CIITA: variants seen among roughly 807,000 people sequenced by gnomAD.
CIITA encodes MHC class II transactivator.
CIITA carries 72 observed loss-of-function variants against 115.1 expected under a neutral mutation model. That is an observed-to-expected ratio of 0.63 (90% CI 0.52 to 0.76). The LOEUF (loss-of-function observed/expected upper bound fraction) is 0.76, where lower values mean the gene tolerates loss of function less well. Ranked by LOEUF, CIITA falls within the 30% of genes least tolerant of loss-of-function variation. The probability of loss-of-function intolerance (pLI) is 0.00; values close to 1 mark genes in which losing one functional copy is unlikely to be tolerated. For missense variants in CIITA, 1,617 were observed against 1,463.8 expected, an observed-to-expected ratio of 1.10 and a Z score of -1.71; for synonymous variants, 763 against 635.6, an observed-to-expected ratio of 1.20 and a Z score of -3.02.
Position 10,895,990 on chromosome 16 carries a change from C to T in CIITA, c.295+226C>T, listed in dbSNP as rs550975080. Among the ~76,000 whole-genome samples the T allele has an allele frequency of 7.1e-4, 108 of 152,192 alleles. 1 individual carries two copies. Among genetic ancestry groups the T allele is most frequent in the African/African-American group, 2.4e-3 (99 of 41,510 alleles). ...CCTTCACTAATGACCACCAAGAAAACAAAATCTCATGTTTACATCCTCCAC... is the reference window on the plus strand; with the variant it reads ...CCTTCACTAATGACCACCAAGAAAATAAAATCTCATGTTTACATCCTCCAC... On this transcript the variant is annotated intron_variant, in intron 3 of 19. Transcript: ENST00000324288.
Position 10,901,515 on chromosome 16 carries a change from C to G in CIITA, c.438C>G (p.Pro146=). Residue 146 remains proline, a splice_region_variant and synonymous_variant, in exon 6 of 20, where the codon CCC becomes CCG. Coordinates refer to ENST00000324288, the MANE Select transcript of CIITA (RefSeq NM_000246.4). This position sits in a 1 kb window ranked among gnomAD's most constrained non-coding sequence, Gnocchi z 6.8. ...GCTGATCACATGTTTTCTCTGCAGCCTTCCCAGAGGAGCTTCCGGCAGACC... is the reference window on the plus strand; with the variant it reads ...GCTGATCACATGTTTTCTCTGCAGCGTTCCCAGAGGAGCTTCCGGCAGACC... The part of the protein sequence containing the change: ...AEVGQKSQKR[P]FPEELPADLK... 1 of 1,614,124 alleles carries G rather than the reference C, an allele frequency of 6.2e-7. No individual in the cohort carries two copies. The highest frequency in any genetic ancestry group is 1.1e-5 in the South Asian group (1 of 91,082).
chr16:10,896,588 G>A (rs1456510345), intron 3 of CIITA, among the ~76,000 whole-genome samples: 1 of 152,186 alleles, frequency 6.6e-6, no homozygotes, highest in Non-Finnish European at 1.5e-5. Flanking sequence ...CAGAGCCTAT[G>A]TTGAAATAGA....
At position 10,901,244 on chromosome 16, in the gene CIITA, T is replaced by C. The variant is rs1175758278; in HGVS notation, c.437-270T>C. Among the ~76,000 whole-genome samples the C allele has an allele frequency of 6.6e-6, 1 of 152,086 alleles. No homozygotes were observed. The highest frequency in any genetic ancestry group is 1.5e-5 in the Non-Finnish European group (1 of 68,006). ...TCAAAAGCAGGTTCCTTTGTTTTGT[T>C]TTGTTTTGTTTTTTGGCTCAAACCC... On this transcript the variant is annotated intron_variant, in intron 5 of 19. Transcript: ENST00000324288. This position sits in a 1 kb window ranked among gnomAD's most constrained non-coding sequence, Gnocchi z 6.8.
At position 10,904,594 on chromosome 16, in the gene CIITA, G is replaced by C. The variant is rs1318681516; in HGVS notation, c.938-150G>C. ...CAGTTGGCCAAAGAAAGACATATTTGAGTTAGATACAGCCTCAGGCCGCTA... is the reference window on the plus strand; with the variant it reads ...CAGTTGGCCAAAGAAAGACATATTTCAGTTAGATACAGCCTCAGGCCGCTA... On this transcript the variant is annotated intron_variant, in intron 9 of 19. Coordinates refer to ENST00000324288, the MANE Select transcript of CIITA (RefSeq NM_000246.4). 3 of 756,870 alleles carry C rather than the reference G, an allele frequency of 4.0e-6. No individual in the cohort carries two copies. The African/African-American group carries it at 5.3e-5, about 13-fold the overall frequency. 46.9% of individuals were successfully genotyped at this position (756,870 alleles called of 1,614,324 possible).
rs200599265 is a variant in CIITA at position 10,915,573 on chromosome 16, G to A, written c.2892G>A (p.Leu964=). ...VRDLKKLEFA[L]GPVSGPQAFP... is the part of the protein sequence containing the mutation. ...ACCCTTGCTCTTTGCCTCCTAGGCT[G>A]GGCCCTGTCTCAGGCCCCCAGGCTT... The change falls in exon 14 of 20, where the codon CTG becomes CTA. Residue 964 remains leucine, a synonymous_variant. Transcript: ENST00000324288. 404 of 1,613,718 alleles carry A rather than the reference G, an allele frequency of 2.5e-4. 1 individual carries two copies. Among genetic ancestry groups the A allele is most frequent in the Admixed American group, 3.2e-4 (19 of 60,002 alleles).
intron 1 of CIITA, among the ~76,000 whole-genome samples, chr16:10,893,114 T>A (rs1385955905): frequency 6.6e-6 from 1 of 151,992 alleles, no homozygotes; most frequent in African/African-American, 2.4e-5. Context: ...AAGTCAAGGA[T>A]CACCAGTAGT....
chr16:10,923,218 C>A lies in CIITA; in HGVS notation c.3318-10C>A. On this transcript the variant is annotated splice_polypyrimidine_tract_variant and intron_variant, in intron 18 of 19. Coordinates refer to ENST00000324288, the MANE Select transcript of CIITA (RefSeq NM_000246.4). This position sits in a 1 kb window ranked among gnomAD's most constrained non-coding sequence, Gnocchi z 5.2. Reference sequence around the variant, plus strand: ...TCTAACCTGGCTCTGAGTCCCATCCCCCCTTGCAGGATGTGGACGCCCACC... The same window carrying A: ...TCTAACCTGGCTCTGAGTCCCATCCACCCTTGCAGGATGTGGACGCCCACC... The A allele has an allele frequency of 6.8e-6, 11 of 1,612,522 alleles. No homozygotes were observed. Among genetic ancestry groups the A allele is most frequent in the Non-Finnish European group, 9.3e-6 (11 of 1,179,874 alleles).
intron 13 of CIITA, among the ~76,000 whole-genome samples, chr16:10,913,749 C>G (rs531208997): frequency 6.6e-6 from 1 of 151,846 alleles, no homozygotes; most frequent in South Asian, 2.1e-4. Flanking sequence ...ACCAGCCTGG[C>G]CAACATAGTG....
chr16:10,909,440 C>T (rs2039406639), intron 12 of CIITA, among the ~76,000 whole-genome samples: 1 of 152,226 alleles, frequency 6.6e-6, no homozygotes, highest in Non-Finnish European at 1.5e-5. Flanking sequence ...CCATGGAGAA[C>T]CTCTCCCCTT....
At position 10,877,268 on chromosome 16, in the gene CIITA, C is replaced by G; in HGVS notation, c.-63C>G. ...GCATCCGAAGGCATCCTTGGGGAAG[C>G]TGAGGGCACGAGGAGGGGCTGCCAG... On this transcript the variant is annotated 5_prime_UTR_variant, in exon 1 of 20. Transcript: ENST00000324288. The G allele has an allele frequency of 6.6e-7, 1 of 1,518,858 alleles. No individual in the cohort carries two copies. Among genetic ancestry groups the G allele is most frequent in the Non-Finnish European group, 9.1e-7 (1 of 1,103,814 alleles). The allele number at this position is 1,518,858 out of a possible 1,614,324, so 94.1% of individuals were successfully genotyped here. A position where few individuals can be genotyped will look rare whatever the true frequency, so the allele number is the denominator to read the frequency against.
chr16:10,878,495 C>G (rs2036063070), intron 1 of CIITA, among the ~76,000 whole-genome samples: 1 of 152,164 alleles, frequency 6.6e-6, no homozygotes, highest in Non-Finnish European at 1.5e-5. Context: ...GGTTTTCCAT[C>G]CATGGAAGGT....
Position 10,941,826 on chromosome 16 carries a change from G to A in CIITA, n.952G>A, listed in dbSNP as rs1466089642. 4.3e-6 allele frequency: 7 copies of A among 1,613,376 alleles called. No individual in the cohort carries two copies. The highest frequency in any genetic ancestry group is 5.9e-6 in the Non-Finnish European group (7 of 1,179,864). On this transcript the variant is annotated non_coding_transcript_exon_variant, in exon 2 of 2. Transcript: ENST00000573379. The surrounding 1 kb of genome is among the most constrained non-coding windows in gnomAD (Gnocchi z 6.4). ...CCACGAGCGCCTGGTCCATGTCCTC[G>A]GGCAGGAAGACGAGGCCCACGTTGA...
In CIITA at chr16:10,928,204, C is replaced by T. The variant is rs933798814; in HGVS notation, c.*4349C>T. On this transcript the variant is annotated 3_prime_UTR_variant, in exon 20 of 20. Coordinates refer to ENST00000324288, the MANE Select transcript of CIITA (RefSeq NM_000246.4). Reference sequence around the variant, plus strand: ...GGTCAATCGTTTGAACCCTGCTTCACTTGGTGTGTATGTGAAGGTGCTTTG... The same window carrying T: ...GGTCAATCGTTTGAACCCTGCTTCATTTGGTGTGTATGTGAAGGTGCTTTG... 6.6e-6 allele frequency: 1 copy of T among 152,210 alleles called. No individual in the cohort carries two copies. Among genetic ancestry groups the T allele is most frequent in the Non-Finnish European group, 1.5e-5 (1 of 68,058 alleles). The allele number at this position is 152,210 out of a possible 1,614,324, so 9.4% of individuals were successfully genotyped here. A position where few individuals can be genotyped will look rare whatever the true frequency, so the allele number is the denominator to read the frequency against.
chr16:10,882,879 A>G (rs2036565653), intron 1 of CIITA, among the ~76,000 whole-genome samples: 2 of 152,186 alleles, frequency 1.3e-5, no homozygotes, highest in African/African-American at 2.4e-5. Flanking sequence ...CCTGGGCAAC[A>G]AGAGTGAAAC....
chr16:10,895,558 C>G (rs905886131), intron 2 of CIITA, 111 bp from the exon 3 acceptor site: 6 of 1,548,368 alleles, frequency 3.9e-6, no homozygotes, highest in Non-Finnish European at 5.3e-6. Flanking sequence ...GTCTGTGGGA[C>G]GCTCTCTGCA....
intron 10 of CIITA, among the ~76,000 whole-genome samples, 186 bp from the exon 11 acceptor site, chr16:10,906,313 T>A (rs1430163881): frequency 6.6e-6 from 1 of 152,116 alleles, no homozygotes; most frequent in East Asian, 1.9e-4. Context: ...CGAGCTGTGA[T>A]CACACCACTG....
chr16:10,942,291 C>G lies in CIITA; in HGVS notation n.1417C>G. ...GCTGCCCGGCTCCCTCGTGGCGCCT[C>G]CCTGGCGCTCGCAGGGCCTCGCAGA... On this transcript the variant is annotated non_coding_transcript_exon_variant, in exon 2 of 2. Coordinates refer to the CIITA transcript ENST00000573379. The surrounding 1 kb of genome is among the most constrained non-coding windows in gnomAD (Gnocchi z 5.0). 3.2e-6 allele frequency: 1 copy of G among 315,466 alleles called. No individual in the cohort carries two copies. Among genetic ancestry groups the G allele is most frequent in the South Asian group, 4.1e-5 (1 of 24,492 alleles). The allele number at this position is 315,466 out of a possible 1,614,324, so 19.5% of individuals were successfully genotyped here.
At chr16:10,868,086 G>A (rs1363711260) in intron 1 of CIITA, among the ~76,000 whole-genome samples, 1 of 152,134 alleles carries the variant, frequency 6.6e-6, no homozygotes, top group African/African-American at 2.4e-5. Flanking sequence ...TAAAGACGGT[G>A]TTTGTTCCAT....
rs562509892 is a variant in CIITA at position 10,915,621 on chromosome 16, C to G, written c.2940C>G (p.Leu980=). ...PQAFPKLVRI[L]TAFSSLQHLD... is the part of the protein sequence containing the mutation. Reference sequence around the variant, plus strand: ...CTTTCCCCAAACTGGTGCGGATCCTCACGGCCTTTTCCTCCCTGCAGCATC... The same window carrying G: ...CTTTCCCCAAACTGGTGCGGATCCTGACGGCCTTTTCCTCCCTGCAGCATC... The change falls in exon 14 of 20, where the codon CTC becomes CTG. Residue 980 remains leucine (L), a synonymous_variant. Coordinates refer to ENST00000324288, the MANE Select transcript of CIITA (RefSeq NM_000246.4). 6.2e-7 allele frequency: 1 copy of G among 1,614,184 alleles called. No homozygotes were observed. Among genetic ancestry groups the G allele is most frequent in the African/African-American group, 1.3e-5 (1 of 75,056 alleles).
Sources: gnomAD v4.1 joint callset for allele counts (sites outside exome capture counted in the v4.1 genomes callset) on GRCh38, gnomAD v4.1.1 for gene constraint, Gnocchi (gnomAD v3.1) non-coding constraint, MANE v1.5 for transcripts, NCBI Gene and HGNC (gene_info 2026-07-23, HGNC 2026-07-21) for gene names.